The following NCAPD3 variants were observed in gnomAD, a reference collection of about 807,000 sequenced individuals.
The protein encoded by NCAPD3 is non-SMC condensin II complex subunit D3.
Under a neutral mutation model 182.9 loss-of-function variants are expected in NCAPD3, and 105 were observed. The observed-to-expected ratio is 0.57, with a 90% confidence interval of 0.49 to 0.68. The LOEUF (loss-of-function observed/expected upper bound fraction) is 0.68, where lower values mean the gene tolerates loss of function less well. Among genes scored for constraint, NCAPD3 ranks in the 30% least tolerant of loss-of-function variants. The pLI, the probability that NCAPD3 is intolerant of heterozygous loss-of-function variation, is 0.00. For synonymous variants in NCAPD3, 815 were observed against 679.9 expected, an observed-to-expected ratio of 1.20 and a Z score of -3.09; for missense variants, 1,944 against 1,837.0, an observed-to-expected ratio of 1.06 and a Z score of -1.07.
At chr11:134,224,668 C>G (rs1412334604), upstream of NCAPD3, 1 of 152,088 alleles carries the variant, frequency 6.6e-6, no homozygotes, top group African/African-American at 2.4e-5. Context: ...CCCTCCCCCG[C>G]CCGGAGCCGC....
intron 27 of NCAPD3, among the ~76,000 whole-genome samples, chr11:134,167,127 G>A (rs911461969): frequency 7.6e-6 from 1 of 131,966 alleles, no homozygotes; most frequent in Non-Finnish European, 1.6e-5. Context: ...TCACTTGTGA[G>A]ATGAGCTTGG....
chr11:134,191,441 CTT>C (rs1210443176), intron 16 of NCAPD3, among the ~76,000 whole-genome samples: 1 of 152,018 alleles, frequency 6.6e-6, no homozygotes, highest in African/African-American at 2.4e-5. Context: ...GGCATACTCT[CTT>C]TGTGATATTT....
At chr11:134,181,215 GC>G in intron 19 of NCAPD3, 31 bp from the exon 20 acceptor site, 1 of 1,437,874 alleles carries the variant, frequency 7.0e-7, no homozygotes, top group Non-Finnish European at 9.8e-7. Context: ...TCTCTGAAGG[GC>G]CCCGCACATC....
chr11:134,224,396 G>T (rs905403867), upstream of NCAPD3: 14 of 192,984 alleles, frequency 7.3e-5, no homozygotes, highest in Non-Finnish European at 9.8e-5. Context: ...CGTGTATCGA[G>T]CTAAAGTAAT....
In NCAPD3 at chr11:134,168,460, T is replaced by C. The variant is rs1355292760; in HGVS notation, c.3373+9A>G. The C allele has an allele frequency of 1.2e-6, 2 of 1,614,056 alleles. No individual in the cohort carries two copies. The highest frequency in any genetic ancestry group is 1.1e-5 in the South Asian group (1 of 91,070). On this transcript the variant is annotated intron_variant, in intron 26 of 34. Coordinates refer to ENST00000534548, the MANE Select transcript of NCAPD3 (RefSeq NM_015261.3). ...CACACACATTTTCTCCCACACACACTGGGCTTACCCAAAATACTAAGGCAG... is the reference window on the plus strand; with the variant it reads ...CACACACATTTTCTCCCACACACACCGGGCTTACCCAAAATACTAAGGCAG...
At chr11:134,169,466 G>T (rs1943954255) in intron 24 of NCAPD3, among the ~76,000 whole-genome samples, 1 of 152,214 alleles carries the variant, frequency 6.6e-6, no homozygotes, top group Admixed American at 6.5e-5. Context: ...CCAACTTCAA[G>T]TTTGTTGCCC....
rs572074989 is a variant in NCAPD3, at chr11:134,206,463, G to A, written c.1016+136C>T. The stretch of plus-strand genomic sequence containing the variant: ...CAGACACATAAAGCACATTAGCTAC[G>A]AAGTGCTTGGTTTTCACCCCCAAAA... On this transcript the variant is annotated intron_variant, in intron 8 of 34. Coordinates refer to ENST00000534548, the MANE Select transcript of NCAPD3 (RefSeq NM_015261.3). The A allele has an allele frequency of 1.5e-4, 162 of 1,105,786 alleles. 6 individuals carry two copies. In the South Asian group the frequency reaches 2.1e-3, roughly 15 times the overall value. The allele number at this position is 1,105,786 out of a possible 1,614,324, so 68.5% of individuals were successfully genotyped here. A position where few individuals can be genotyped will look rare whatever the true frequency, so the allele number is the denominator to read the frequency against.
rs1943291477 is a variant in NCAPD3 at position 134,152,805 on chromosome 11, CCT to C, written c.*137_*138del. On this transcript the variant is annotated 3_prime_UTR_variant, in exon 35 of 35. Transcript: ENST00000534548. ...CAGAATAGAAGGTGAGTGCCAGGCC[CCT>C]GAGGAGGAGCTCTCGTGTTCCACAG... The C allele has an allele frequency of 6.0e-6, 4 of 662,672 alleles. No individual in the cohort carries two copies. The highest frequency in any genetic ancestry group is 1.8e-5 in the African/African-American group (1 of 55,774). 41.0% of individuals were successfully genotyped at this position (662,672 alleles called of 1,614,324 possible).
Position 134,151,147 on chromosome 11 carries a change from G to C in NCAPD3, c.*1797C>G, listed in dbSNP as rs1943219319. The stretch of plus-strand genomic sequence containing the variant: ...GAGAATGGCTCTCACTACTCACCTT[G>C]TCTTTCAGCTTCCAGTGTCTTGGGT... On this transcript the variant is annotated 3_prime_UTR_variant, in exon 35 of 35. Coordinates refer to ENST00000534548, the MANE Select transcript of NCAPD3 (RefSeq NM_015261.3). 6.6e-6 allele frequency: 1 copy of C among 152,286 alleles called. No individual in the cohort carries two copies. The allele number at this position is 152,286 out of a possible 1,614,324, so 9.4% of individuals were successfully genotyped here.
intron 5 of NCAPD3, 36 bp from the exon 6 acceptor site, chr11:134,209,242 T>C: frequency 6.2e-7 from 1 of 1,609,356 alleles, no homozygotes. Context: ...CCTGATTTTT[T>C]CTACTGATCA....
At chr11:134,213,230 A>T (rs1012167554) in intron 3 of NCAPD3, among the ~76,000 whole-genome samples, 3 of 152,156 alleles carry the variant, frequency 2.0e-5, no homozygotes, top group Non-Finnish European at 4.4e-5. Context: ...AGTTCCAGCT[A>T]TTCTGGAGGC....
intron 16 of NCAPD3, 123 bp from the exon 17 acceptor site, chr11:134,185,649 T>C: frequency 2.8e-6 from 2 of 706,558 alleles, no homozygotes; most frequent in South Asian, 2.4e-5. Context: ...CACATGAAAC[T>C]TATATGTAGA....
chr11:134,153,519 TGAG>T (rs1943324724), intron 32 of NCAPD3, 156 bp from the exon 33 acceptor site: 3 of 732,466 alleles, frequency 4.1e-6, no homozygotes, highest in South Asian at 3.2e-5. Context: ...CTGGCAGTGT[TGAG>T]GGCCCCTCCT....
intron 19 of NCAPD3, among the ~76,000 whole-genome samples, chr11:134,182,030 T>C (rs536223285): frequency 6.6e-6 from 1 of 152,352 alleles, no homozygotes; most frequent in Non-Finnish European, 1.5e-5. Context: ...TTGGCTTTAT[T>C]ACTTCTAAAA....
intron 2 of NCAPD3, among the ~76,000 whole-genome samples, chr11:134,220,209 TG>T (rs1196672520): frequency 6.6e-6 from 1 of 151,582 alleles, no homozygotes; most frequent in Non-Finnish European, 1.5e-5. Flanking sequence ...CCTTCTGAGA[TG>T]GGGTTTTGCC....
intron 13 of NCAPD3, among the ~76,000 whole-genome samples, chr11:134,195,482 T>G (rs1186510813): frequency 6.6e-6 from 1 of 152,204 alleles, no homozygotes; most frequent in Non-Finnish European, 1.5e-5. Flanking sequence ...AAATTTAAAC[T>G]GAGAATTGTA....
intron 27 of NCAPD3, among the ~76,000 whole-genome samples, chr11:134,164,007 G>C (rs1386031597): frequency 2.6e-5 from 4 of 152,090 alleles, no homozygotes; most frequent in Non-Finnish European, 4.4e-5. Context: ...GCTTAAATAA[G>C]GTCAGAACTA....
chr11:134,161,400 C>T (rs560445061), intron 28 of NCAPD3, among the ~76,000 whole-genome samples: 172 of 152,282 alleles, frequency 1.1e-3, no homozygotes, highest in Non-Finnish European at 2.2e-3. Flanking sequence ...GAATCTGAGT[C>T]AGTGCAAAAG....
At chr11:134,156,901 G>A in intron 32 of NCAPD3, 117 bp downstream of exon 32, 1 of 880,682 alleles carries the variant, frequency 1.1e-6, no homozygotes, top group East Asian at 2.5e-5. Context: ...ATGCACTCAT[G>A]GTTCTGACCA....
Sources: allele counts gnomAD v4.1 joint callset (sites outside exome capture counted in the v4.1 genomes callset), GRCh38; gene constraint gnomAD v4.1.1; transcripts MANE v1.5; gene names NCBI Gene and HGNC (gene_info 2026-07-23, HGNC 2026-07-21).